Variants in GIPC2 observed in about 807,000 individuals in gnomAD.
GIPC2 encodes PDZ domain-containing protein GIPC2.
In GIPC2, 30 loss-of-function variants were observed where a neutral mutation model predicts 30.6. That is an observed-to-expected ratio of 0.98 (90% CI 0.73 to 1.33). The LOEUF (loss-of-function observed/expected upper bound fraction) is 1.33, where lower values mean the gene tolerates loss of function less well. GIPC2 is among the 40% of genes most tolerant of loss of function. The pLI, the probability that GIPC2 is intolerant of heterozygous loss-of-function variation, is 0.00. For synonymous variants in GIPC2, 167 were observed against 150.0 expected, an observed-to-expected ratio of 1.11 and a Z score of -0.83; for missense variants, 414 against 390.3, an observed-to-expected ratio of 1.06 and a Z score of -0.51.
chr1:78,046,090 G>T lies in GIPC2; in HGVS notation c.-5G>T. ...CAGGTGGGCCCGCGCTCTCGGCCCT[G>T]CAAGATGCCCCTGAAGCTGCGGGGG... On this transcript the variant is annotated 5_prime_UTR_variant, in exon 1 of 6. Transcript: ENST00000370759. 1 of 1,447,016 alleles carries T rather than the reference G, an allele frequency of 6.9e-7. No homozygotes were observed. Among genetic ancestry groups the T allele is most frequent in the South Asian group, 1.5e-5 (1 of 67,884 alleles). The allele number at this position is 1,447,016 out of a possible 1,614,324, so 89.6% of individuals were successfully genotyped here. A position where few individuals can be genotyped will look rare whatever the true frequency, so the allele number is the denominator to read the frequency against.
chr1:78,097,442 C>T (rs1662158190), intron 3 of GIPC2, among the ~76,000 whole-genome samples: 2 of 152,150 alleles, frequency 1.3e-5, no homozygotes, highest in African/African-American at 4.8e-5. Flanking sequence ...TTGACATTTT[C>T]CTACCAACTT....
chr1:78,089,279 A>T (rs901854376), intron 2 of GIPC2, among the ~76,000 whole-genome samples: 2 of 152,190 alleles, frequency 1.3e-5, no homozygotes, highest in African/African-American at 4.8e-5. Context: ...GCTGTGTAAC[A>T]TTGGCCAAGG....
chr1:78,051,415 A>G (rs138833670), intron 1 of GIPC2, among the ~76,000 whole-genome samples: 2,719 of 152,350 alleles, frequency 0.018, 65 homozygotes, highest in South Asian at 0.11. Flanking sequence ...TTGAATAATA[A>G]ATGAGTAATT....
intron 5 of GIPC2, among the ~76,000 whole-genome samples, chr1:78,127,465 A>C (rs1662803163): frequency 6.6e-6 from 1 of 152,146 alleles, no homozygotes. Context: ...TGCCAGCTAA[A>C]ACTGGCCCAT....
Position 78,135,853 on chromosome 1 carries a change from C to A in GIPC2, c.*110C>A. ...ACCTTTACTAACTCTGGTTTAATTT[C>A]ATGTGTATGGAATATATTCTTTGAA... On this transcript the variant is annotated 3_prime_UTR_variant, in exon 6 of 6. Coordinates refer to ENST00000370759, the MANE Select transcript of GIPC2 (RefSeq NM_017655.6). 1.2e-6 allele frequency: 1 copy of A among 825,686 alleles called. No homozygotes were observed. Among genetic ancestry groups the A allele is most frequent in the Non-Finnish European group, 1.9e-6 (1 of 520,174 alleles). The allele number at this position is 825,686 out of a possible 1,614,324, so 51.1% of individuals were successfully genotyped here.
At chr1:78,103,072 C>G (rs753112059) in intron 3 of GIPC2, among the ~76,000 whole-genome samples, 4 of 152,190 alleles carry the variant, frequency 2.6e-5, no homozygotes, top group Non-Finnish European at 5.9e-5. Flanking sequence ...AGCAGTTTGC[C>G]CAAGGTTACA....
chr1:78,098,023 G>A (rs1662170497), intron 3 of GIPC2, among the ~76,000 whole-genome samples: 1 of 152,180 alleles, frequency 6.6e-6, no homozygotes, highest in Non-Finnish European at 1.5e-5. Context: ...AAAAGTAGCA[G>A]ATGCCCATTT....
chr1:78,052,803 A>G (rs1268014312), intron 1 of GIPC2, among the ~76,000 whole-genome samples: 1 of 152,194 alleles, frequency 6.6e-6, no homozygotes, highest in Non-Finnish European at 1.5e-5. Flanking sequence ...GAGGCTTCCC[A>G]GAAGCTGCTT....
chr1:78,136,014 T>C lies in GIPC2; in HGVS notation c.*271T>C, dbSNP rs1662996435. The stretch of plus-strand genomic sequence containing the variant: ...TTTAAAAGTAAGTTTTAAGGAGTAT[T>C]TCTCGACAGATGATTTTCTTCTCCA... On this transcript the variant is annotated 3_prime_UTR_variant, in exon 6 of 6. Transcript: ENST00000370759. 4.0e-6 allele frequency: 1 copy of C among 251,918 alleles called. No individual in the cohort carries two copies. The highest frequency in any genetic ancestry group is 2.2e-5 in the African/African-American group (1 of 44,510). The allele number at this position is 251,918 out of a possible 1,614,324, so 15.6% of individuals were successfully genotyped here.
At chr1:78,110,407 T>C (rs1403126653) in intron 3 of GIPC2, among the ~76,000 whole-genome samples, 3 of 152,206 alleles carry the variant, frequency 2.0e-5, no homozygotes, top group Non-Finnish European at 4.4e-5. Flanking sequence ...TTGCAACTAA[T>C]TAAAAAATTT....
At chr1:78,089,658 T>C (rs143092521) in intron 2 of GIPC2, among the ~76,000 whole-genome samples, 2 of 152,312 alleles carry the variant, frequency 1.3e-5, no homozygotes, top group East Asian at 1.9e-4. Context: ...GATGAAACTT[T>C]TTAGGTGAAA....
intron 2 of GIPC2, among the ~76,000 whole-genome samples, chr1:78,090,198 A>G (rs1263692325): frequency 6.6e-6 from 1 of 152,022 alleles, no homozygotes; most frequent in Non-Finnish European, 1.5e-5. Flanking sequence ...TAATTTACTT[A>G]CTTACTTATT....
chr1:78,075,765 A>G (rs566093254), intron 1 of GIPC2, among the ~76,000 whole-genome samples: 3 of 152,212 alleles, frequency 2.0e-5, no homozygotes, highest in Non-Finnish European at 4.4e-5. Context: ...CACCTAAACC[A>G]TCACTTAGGC....
In GIPC2 at chr1:78,131,142, A is replaced by AT. The variant is rs200092430; in HGVS notation, c.797-4443dup. The stretch of plus-strand genomic sequence containing the variant: ...TAAACATTTACTATTTTTTAAATCT[A>AT]TTTTTTTCTTTTTTTCTCATGTGTT... On this transcript the variant is annotated intron_variant, in intron 5 of 5. Transcript: ENST00000370759. Among the ~76,000 whole-genome samples the AT allele has an allele frequency of 3.2e-3, 456 of 140,316 alleles. 1 individual carries two copies. Among genetic ancestry groups the AT allele is most frequent in the African/African-American group, 0.011 (441 of 38,920 alleles). The allele number at this position is 140,316 out of a possible 152,430, so 92.1% of individuals were successfully genotyped here.
At chr1:78,112,235 A>C (rs1439543190) in intron 3 of GIPC2, among the ~76,000 whole-genome samples, 1 of 152,034 alleles carries the variant, frequency 6.6e-6, no homozygotes, top group Non-Finnish European at 1.5e-5. Flanking sequence ...CCAAAATGCC[A>C]CTCATTATTT....
chr1:78,121,193 TG>T (rs1270363503), intron 4 of GIPC2, among the ~76,000 whole-genome samples: 1 of 151,908 alleles, frequency 6.6e-6, no homozygotes, highest in African/African-American at 2.4e-5. Context: ...ACTGCAAGTT[TG>T]GGGTGGCGAT....
At chr1:78,068,889 C>T (rs767642707) in intron 1 of GIPC2, among the ~76,000 whole-genome samples, 3 of 152,158 alleles carry the variant, frequency 2.0e-5, no homozygotes, top group Non-Finnish European at 2.9e-5. Flanking sequence ...CTCATCCTGG[C>T]TCTGGCTTGG....
At chr1:78,060,352 C>T (rs1661369680) in intron 1 of GIPC2, among the ~76,000 whole-genome samples, 1 of 152,068 alleles carries the variant, frequency 6.6e-6, no homozygotes, top group Non-Finnish European at 1.5e-5. Flanking sequence ...GCCATGTTGC[C>T]TAGGCTGGTC....
intron 2 of GIPC2, chr1:78,092,010 G>A: frequency 1.3e-6 from 2 of 1,511,978 alleles, no homozygotes; most frequent in Non-Finnish European, 1.8e-6. Flanking sequence ...TTGTCCATAA[G>A]TGCTTCATCA....
Sources: allele counts gnomAD v4.1 joint callset (sites outside exome capture counted in the v4.1 genomes callset), GRCh38; gene constraint gnomAD v4.1.1; transcripts MANE v1.5; gene names NCBI Gene and HGNC (gene_info 2026-07-23, HGNC 2026-07-21).